The following CD200R1 variants were observed in gnomAD, a reference collection of about 807,000 sequenced individuals.
CD200R1 encodes CD200 receptor 1, also known as cell surface glycoprotein CD200 receptor 1.
Under a neutral mutation model 38.1 loss-of-function variants are expected in CD200R1, and 30 were observed. The observed-to-expected ratio is 0.79, with a 90% CI of 0.59 to 1.07. CD200R1 has a LOEUF of 1.07. Ranked by LOEUF, CD200R1 falls within the 50% of genes least tolerant of loss-of-function variation. CD200R1 has a pLI of 0.00. For synonymous variants in CD200R1, 128 were observed against 152.1 expected (o/e 0.84, Z 1.16); for missense variants, 372 against 415.4 (o/e 0.90, Z 0.91).
chr3:112,963,881 A>T (rs979595419), intron 1 of CD200R1, among the ~76,000 whole-genome samples: 2 of 152,074 alleles, frequency 1.3e-5, no homozygotes, highest in African/African-American at 4.8e-5. Context: ...AGGAGAAAAA[A>T]ATGGTTTTGT....
At chr3:112,929,575 A>G in intron 3 of CD200R1, 68 bp from the exon 4 acceptor site, 1 of 1,375,798 alleles carries the variant, frequency 7.3e-7, no homozygotes, top group Non-Finnish European at 9.9e-7. Flanking sequence ...ATTTATCCAC[A>G]ACATATGAAG....
At chr3:112,943,724 A>T (rs768508160) in intron 2 of CD200R1, among the ~76,000 whole-genome samples, 2 of 151,800 alleles carry the variant, frequency 1.3e-5, no homozygotes, top group African/African-American at 4.8e-5. Context: ...CCAGACCAAG[A>T]AAAAAAGAGA....
chr3:112,969,964 G>A (rs970981107), intron 1 of CD200R1, among the ~76,000 whole-genome samples: 2 of 151,970 alleles, frequency 1.3e-5, no homozygotes, highest in African/African-American at 4.8e-5. Context: ...TTGAACCCAG[G>A]AGTTCAAGAC....
intron 3 of CD200R1, among the ~76,000 whole-genome samples, chr3:112,929,750 T>C (rs2107304662): frequency 6.6e-6 from 1 of 152,110 alleles, no homozygotes; most frequent in East Asian, 1.9e-4. Context: ...TAATAAAGTA[T>C]TTTTTATATT....
At chr3:112,925,223 G>A in intron 5 of CD200R1, 30 bp from the exon 6 acceptor site, 1 of 1,066,160 alleles carries the variant, frequency 9.4e-7, no homozygotes, top group East Asian at 2.4e-5. Context: ...TGGTTCAAAT[G>A]TGGTACAATC....
chr3:112,974,989 G>A lies in CD200R1; in HGVS notation c.-132C>T, dbSNP rs1237079867. 3 of 695,936 alleles carry A rather than the reference G, an allele frequency of 4.3e-6. No individual in the cohort carries two copies. Among genetic ancestry groups the A allele is most frequent in the Non-Finnish European group, 7.7e-6 (3 of 391,790 alleles). The allele number at this position is 695,936 out of a possible 1,614,324, so 43.1% of individuals were successfully genotyped here. A position where few individuals can be genotyped will look rare whatever the true frequency, so the allele number is the denominator to read the frequency against. On this transcript the variant is annotated 5_prime_UTR_variant, in exon 1 of 8. Transcript: ENST00000308611. ...GATCCTCTTACCCCATCAACAGTGG[G>A]GCACTCCCTTCCTTCTAGCCCCTTC...
At chr3:112,953,299 A>G (rs1941011643) in intron 1 of CD200R1, among the ~76,000 whole-genome samples, 1 of 152,178 alleles carries the variant, frequency 6.6e-6, no homozygotes, top group Admixed American at 6.5e-5. Context: ...CTGGGATGGA[A>G]GTCCACTTGA....
chr3:112,928,975 T>C lies in CD200R1; in HGVS notation c.610A>G (p.Ile204Val). The change falls in exon 5 of 8, where the codon ATC becomes GTC. Residue 204 changes from isoleucine (I) to valine (V), a missense_variant. Coordinates refer to ENST00000308611, the MANE Select transcript of CD200R1 (RefSeq NM_138806.4). ...TTAGTGGCACAATCGCCCTCTGGGA[T>C]CCAGGAGATATGCGCAGCTGGCTTC... The part of the protein sequence containing the change: ...AGKPAAHISW[I>V]PEGDCATKQE... The C allele has an allele frequency of 6.2e-7, 1 of 1,613,998 alleles. No individual in the cohort carries two copies. The highest frequency in any genetic ancestry group is 1.3e-5 in the African/African-American group (1 of 75,046).
chr3:112,950,356 A>ACAC (rs1459263903), intron 1 of CD200R1, among the ~76,000 whole-genome samples: 2 of 151,492 alleles, frequency 1.3e-5, no homozygotes, highest in Non-Finnish European at 2.9e-5. Context: ...AGCTGAGATC[A>ACAC]CACCACTGCA....
chr3:112,948,497 A>T (rs922416010), intron 1 of CD200R1, among the ~76,000 whole-genome samples: 2 of 152,184 alleles, frequency 1.3e-5, no homozygotes, highest in African/African-American at 4.8e-5. Context: ...CATTAGTTCA[A>T]TTCTCATAAG....
chr3:112,963,103 C>T (rs867061074), intron 1 of CD200R1, among the ~76,000 whole-genome samples: 6 of 152,214 alleles, frequency 3.9e-5, no homozygotes, highest in Non-Finnish European at 5.9e-5. Context: ...GTGCCTTTCA[C>T]CTTCCACCAT....
chr3:112,955,770 C>T (rs1209623027), intron 1 of CD200R1, among the ~76,000 whole-genome samples: 1 of 150,982 alleles, frequency 6.6e-6, no homozygotes, highest in Admixed American at 6.6e-5. Context: ...TTAAAGTATT[C>T]ATGATTGGTA....
At chr3:112,932,295 C>A (rs1307689586) in intron 2 of CD200R1, among the ~76,000 whole-genome samples, 1 of 152,156 alleles carries the variant, frequency 6.6e-6, no homozygotes, top group Non-Finnish European at 1.5e-5. Flanking sequence ...TTGGCTGTGA[C>A]TCTGGTCCTG....
chr3:112,929,951 T>C (rs1940386044), intron 3 of CD200R1, among the ~76,000 whole-genome samples: 1 of 152,140 alleles, frequency 6.6e-6, no homozygotes, highest in Non-Finnish European at 1.5e-5. Context: ...CAAAAAAGTC[T>C]ATCTCTAAGG....
intron 3 of CD200R1, among the ~76,000 whole-genome samples, chr3:112,930,426 A>G (rs1293153553): frequency 1.3e-5 from 2 of 152,202 alleles, no homozygotes; most frequent in Non-Finnish European, 2.9e-5. Flanking sequence ...ATTCAATCCA[A>G]TTATCAACAC....
intron 1 of CD200R1, among the ~76,000 whole-genome samples, chr3:112,952,775 T>G (rs1420541172): frequency 6.6e-6 from 1 of 152,052 alleles, no homozygotes; most frequent in Admixed American, 6.5e-5. Flanking sequence ...ACCATAAAAC[T>G]TAAAGTATAA....
At chr3:112,931,045 T>A (rs368414246) in intron 3 of CD200R1, 61 bp downstream of exon 3, 14 of 1,209,074 alleles carry the variant, frequency 1.2e-5, no homozygotes, top group African/African-American at 3.0e-5. Flanking sequence ...TTAGCTAATA[T>A]TTCTAAGGAA....
At chr3:112,953,066 C>T (rs568204043) in intron 1 of CD200R1, among the ~76,000 whole-genome samples, 1 of 152,236 alleles carries the variant, frequency 6.6e-6, no homozygotes, top group Non-Finnish European at 1.5e-5. Flanking sequence ...TCCATTTTCC[C>T]CCATAAAGTG....
chr3:112,958,359 A>C (rs1941148031), intron 1 of CD200R1, among the ~76,000 whole-genome samples: 1 of 152,184 alleles, frequency 6.6e-6, no homozygotes, highest in African/African-American at 2.4e-5. Context: ...ACTAATTGAA[A>C]GTACAAGATG....
Sources: gnomAD v4.1 joint callset for allele counts (sites outside exome capture counted in the v4.1 genomes callset) on GRCh38, gnomAD v4.1.1 for gene constraint, MANE v1.5 for transcripts, NCBI Gene and HGNC (gene_info 2026-07-23, HGNC 2026-07-21) for gene names.